Variants in KANSL3 observed in about 807,000 individuals in gnomAD.
KANSL3 encodes the protein KAT8 regulatory NSL complex subunit 3.
In KANSL3, 16 loss-of-function variants were observed where a neutral mutation model predicts 89.2. That is an observed-to-expected ratio of 0.18 (90% CI 0.12 to 0.27). The LOEUF is 0.27. Among genes scored for constraint, KANSL3 ranks in the 10% least tolerant of loss-of-function variants. The pLI, the probability that KANSL3 is intolerant of heterozygous loss-of-function variation, is 1.00. For synonymous variants in KANSL3, 385 were observed against 419.7 expected, an observed-to-expected ratio of 0.92 and a Z score of 1.01; for missense variants, 879 against 1,110.6, an observed-to-expected ratio of 0.79 and a Z score of 2.96.
chr2:96,591,724 T>A (rs902066617), downstream of KANSL3, among the ~76,000 whole-genome samples: 43 of 152,112 alleles, frequency 2.8e-4, no homozygotes, highest in African/African-American at 9.9e-4. Flanking sequence ...AGTGAGCCAA[T>A]CAGGCTGTCT....
intron 3 of KANSL3, among the ~76,000 whole-genome samples, chr2:96,621,325 C>T (rs1033882836): frequency 6.6e-6 from 1 of 151,952 alleles, no homozygotes; most frequent in Admixed American, 6.6e-5. Context: ...ACCAGCCTGG[C>T]CAATATGGTG....
chr2:96,627,908 CAA>C lies in KANSL3; in HGVS notation c.386+3402_386+3403del, dbSNP rs1253053763. 3 of 1,289,654 alleles carry C rather than the reference CAA, an allele frequency of 2.3e-6. No homozygotes were observed. The East Asian group carries it at 1.7e-4, about 72-fold the overall frequency. 79.9% of individuals were successfully genotyped at this position (1,289,654 alleles called of 1,614,324 possible). A position where few individuals can be genotyped will look rare whatever the true frequency, so the allele number is the denominator to read the frequency against. On this transcript the variant is annotated intron_variant, in intron 3 of 20. Transcript: ENST00000431828. ...CATAAATAATAAAATCGGCTATGTA[CAA>C]AAGTTACCTACCAAAAGAGATGGTG...
rs1158211781 is a variant in KANSL3, at chr2:96,605,501, T to C, written c.1752A>G (p.Ser584=). 3 of 1,613,132 alleles carry C rather than the reference T, an allele frequency of 1.9e-6. No homozygotes were observed. The African/African-American group carries it at 4.0e-5, about 22-fold the overall frequency. Residue 584 remains serine, a synonymous_variant, in exon 15 of 21, where the codon TCA becomes TCG. Transcript: ENST00000431828. ...LTHKQAQVPI[S]SEPPEEGEKE... ...TCTCTCCTTCCTCTGGTGGTTCTGA[T>C]GAAATGGGAACTAAGACATGGAGCT... is the stretch of plus-strand genomic sequence containing the variant.
chr2:96,611,181 A>G, intron 9 of KANSL3, 43 bp from the exon 10 acceptor site: 3 of 1,548,772 alleles, frequency 1.9e-6, no homozygotes, highest in Non-Finnish European at 2.7e-6. Flanking sequence ...AACTGAGTTC[A>G]TGGCACCTCA....
intron 2 of KANSL3, 165 bp downstream of exon 2, chr2:96,636,756 C>T: frequency 1.8e-6 from 1 of 553,240 alleles, no homozygotes; most frequent in South Asian, 3.1e-5. Flanking sequence ...ACAGAGATAG[C>T]CACATTCAAG....
chr2:96,625,223 A>G (rs1479595943), intron 3 of KANSL3, among the ~76,000 whole-genome samples: 1 of 152,142 alleles, frequency 6.6e-6, no homozygotes, highest in African/African-American at 2.4e-5. Context: ...AACAAAACAA[A>G]ACCAAAAAAA....
intron 5 of KANSL3, among the ~76,000 whole-genome samples, chr2:96,614,722 G>C (rs1397652830): frequency 1.3e-5 from 2 of 150,466 alleles, no homozygotes; most frequent in Non-Finnish European, 2.9e-5. Flanking sequence ...GGTGAGCCAA[G>C]GTCATGACAC....
intron 20 of KANSL3, chr2:96,600,892 A>C: frequency 7.1e-6 from 7 of 985,424 alleles, no homozygotes; most frequent in Non-Finnish European, 8.4e-6. Context: ...TCAAAGAAAG[A>C]GTATTATACT....
At chr2:96,620,446 A>G (rs1416134131) in intron 3 of KANSL3, among the ~76,000 whole-genome samples, 1 of 152,150 alleles carries the variant, frequency 6.6e-6, no homozygotes, top group African/African-American at 2.4e-5. Flanking sequence ...GTATTCACAC[A>G]TCTACCTTAT....
rs765100355 is a variant in KANSL3, at chr2:96,605,528, A to T, written c.1742-17T>A. 1 of 1,606,718 alleles carries T rather than the reference A, an allele frequency of 6.2e-7. No homozygotes were observed. Among genetic ancestry groups the T allele is most frequent in the Non-Finnish European group, 8.5e-7 (1 of 1,174,240 alleles). The stretch of plus-strand genomic sequence containing the variant: ...AAATGGGAACTAAGACATGGAGCTG[A>T]GTTGAGATCCTCCACAATCCAAAAA... On this transcript the variant is annotated splice_polypyrimidine_tract_variant and intron_variant, in intron 14 of 20. Transcript: ENST00000431828.
intron 20 of KANSL3, 61 bp from the exon 21 acceptor site, chr2:96,595,692 A>C (rs2066466998): frequency 6.4e-7 from 1 of 1,570,712 alleles, no homozygotes; most frequent in African/African-American, 1.4e-5. Context: ...TCATATTCAG[A>C]CCCTCTATCC....
chr2:96,604,297 G>A lies in KANSL3; in HGVS notation c.2102C>T (p.Thr701Ile), dbSNP rs2067635229. Reference sequence around the variant, plus strand: ...TGTGGCCACCAGGCGGCTCTGCAGTGTGTGCAAGGCACTGGGTGCAGTGCT... The same window carrying A: ...TGTGGCCACCAGGCGGCTCTGCAGTATGTGCAAGGCACTGGGTGCAGTGCT... ...SSSTAPSALH[T>I]LQSRLVATSP... Residue 701 changes from threonine (T) to isoleucine (I), a missense_variant, in exon 17 of 21, where the codon ACA becomes ATA. Around this residue, in one of 6 missense-constraint regions of KANSL3, gnomAD observed 317 missense variants for 311.2 expected, o/e 1.02. Coordinates refer to ENST00000431828, the MANE Select transcript of KANSL3 (RefSeq NM_001115016.3). 1 of 1,612,876 alleles carries A rather than the reference G, an allele frequency of 6.2e-7. No homozygotes were observed. Among genetic ancestry groups the A allele is most frequent in the Non-Finnish European group, 8.5e-7 (1 of 1,179,666 alleles).
chr2:96,610,853 T>C lies in KANSL3; in HGVS notation c.1192A>G (p.Thr398Ala). The change falls in exon 11 of 21, where the codon ACT (threonine) becomes GCT (alanine). Residue 398 changes from threonine to alanine, a missense_variant. Transcript: ENST00000431828. ...TGACCAATGACAAAGAGGACTGGAG[T>C]CTTCATATCCAAGAGGGGATCATCT... ...DVDDPLLDMK[T>A]PVLFVIGQNS... 1 of 1,613,602 alleles carries C rather than the reference T, an allele frequency of 6.2e-7. No individual in the cohort carries two copies. Among genetic ancestry groups the C allele is most frequent in the Non-Finnish European group, 8.5e-7 (1 of 1,179,778 alleles).
Position 96,608,847 on chromosome 2 carries a change from C to A in KANSL3, c.1584+17G>T, listed in dbSNP as rs780372948. On this transcript the variant is annotated intron_variant, in intron 13 of 20. Coordinates refer to ENST00000431828, the MANE Select transcript of KANSL3 (RefSeq NM_001115016.3). Reference sequence around the variant, plus strand: ...GCTGATTCCCCAGCAAAAGCGCTCCCTCCCTGCTCACACTACCTCTGAGCC... The same window carrying A: ...GCTGATTCCCCAGCAAAAGCGCTCCATCCCTGCTCACACTACCTCTGAGCC... 2 of 1,552,974 alleles carry A rather than the reference C, an allele frequency of 1.3e-6. No individual in the cohort carries two copies. The highest frequency in any genetic ancestry group is 2.4e-5 in the East Asian group (1 of 42,352).
chr2:96,601,423 T>TA, intron 20 of KANSL3: 2 of 985,342 alleles, frequency 2.0e-6, no homozygotes. Flanking sequence ...TGAACATATG[T>TA]ACTCTTCACA....
At chr2:96,626,014 T>C (rs903640041) in intron 3 of KANSL3, among the ~76,000 whole-genome samples, 9 of 152,140 alleles carry the variant, frequency 5.9e-5, no homozygotes, top group African/African-American at 2.2e-4. Context: ...ATGTCTTTTC[T>C]TCCTTTCTTA....
At chr2:96,598,443 CT>C (rs375503608) in intron 20 of KANSL3, among the ~76,000 whole-genome samples, 30 of 152,250 alleles carry the variant, frequency 2.0e-4, no homozygotes, top group African/African-American at 7.0e-4. Context: ...ACATGCTTTT[CT>C]TTTGAAATGC....
In KANSL3 at chr2:96,610,830, A is replaced by G. The variant is rs774155713; in HGVS notation, c.1215T>C (p.Gly405=). ...CAGGGTGACATTGAAGGGAATTCTG[A>G]CCAATGACAAAGAGGACTGGAGTCT... The part of the protein sequence containing the change: ...DMKTPVLFVI[G]QNSLQCHPEA... Residue 405 remains glycine (G), a synonymous_variant, in exon 11 of 21, where the codon GGT becomes GGC. Transcript: ENST00000431828. 11 of 1,613,860 alleles carry G rather than the reference A, an allele frequency of 6.8e-6. No individual in the cohort carries two copies. In the African/African-American group the frequency reaches 1.3e-4, roughly 20 times the overall value.
intron 2 of KANSL3, among the ~76,000 whole-genome samples, chr2:96,632,047 AAAATAAAT>A (rs948184790): frequency 2.4e-4 from 36 of 152,240 alleles, no homozygotes; most frequent in African/African-American, 8.4e-4. Flanking sequence ...CCTGGTCTCA[AAAATAAAT>A]AAATAAATGA....
Sources: allele counts gnomAD v4.1 joint callset (sites outside exome capture counted in the v4.1 genomes callset), GRCh38; gene constraint gnomAD v4.1.1; regional missense constraint gnomAD v4.1.1; transcripts MANE v1.5; gene names NCBI Gene and HGNC (gene_info 2026-07-23, HGNC 2026-07-21).